Variants in HDAC4 observed in about 807,000 individuals in gnomAD.
HDAC4 encodes the protein histone deacetylase 4, also known as histone deacetylase A.
A neutral mutation model predicts 135.1 loss-of-function variants in HDAC4; 16 were observed. That is an observed-to-expected ratio of 0.12 (90% CI 0.08 to 0.18). The LOEUF is 0.18. Ranked by LOEUF, HDAC4 falls within the 10% of genes least tolerant of loss-of-function variation. The pLI is 1.00. For missense variants in HDAC4, 1,143 were observed against 1,511.8 expected, an observed-to-expected ratio of 0.76 and a Z score of 4.05; for synonymous variants, 685 against 653.4, an observed-to-expected ratio of 1.05 and a Z score of -0.74.
At chr2:239,290,342 G>A (rs944307417) in intron 2 of HDAC4, among the ~76,000 whole-genome samples, 4 of 152,210 alleles carry the variant, frequency 2.6e-5, no homozygotes, top group Non-Finnish European at 5.9e-5. Flanking sequence ...CACGTGACAT[G>A]AAGCACCAGC....
chr2:239,379,683 C>A (rs577886984), intron 1 of HDAC4, among the ~76,000 whole-genome samples: 21 of 152,188 alleles, frequency 1.4e-4, no homozygotes, highest in Non-Finnish European at 2.8e-4. Flanking sequence ...GGGCACCATT[C>A]CCCTGGCAGC....
chr2:239,132,684 C>T (rs2040677817), intron 11 of HDAC4, among the ~76,000 whole-genome samples: 1 of 152,190 alleles, frequency 6.6e-6, no homozygotes, highest in Admixed American at 6.5e-5. Context: ...CACTCGATAT[C>T]CAGGTTCTAT....
intron 17 of HDAC4, among the ~76,000 whole-genome samples, chr2:239,090,431 CTTTTTT>C (rs76486832): frequency 1.5e-5 from 2 of 132,608 alleles, no homozygotes; most frequent in Admixed American, 7.6e-5. Context: ...GATCTATTTC[CTTTTTT>C]TTTTTTTTTT....
intron 2 of HDAC4, among the ~76,000 whole-genome samples, chr2:239,320,112 T>C (rs930582887): frequency 1.2e-4 from 18 of 151,836 alleles, no homozygotes; most frequent in African/African-American, 4.4e-4. Flanking sequence ...GCTGAGAAAG[T>C]GATAAATCAC....
chr2:239,061,265 C>A (rs1412813300), intron 24 of HDAC4, among the ~76,000 whole-genome samples: 2 of 149,374 alleles, frequency 1.3e-5, no homozygotes, highest in African/African-American at 5.0e-5. Context: ...TGAGTATGCA[C>A]GTGCAGATGT....
intron 3 of HDAC4, among the ~76,000 whole-genome samples, chr2:239,227,436 G>A (rs1302909801): frequency 6.6e-6 from 1 of 152,164 alleles, no homozygotes; most frequent in African/African-American, 2.4e-5. Flanking sequence ...TGCCAAGTGG[G>A]ACCGGGCAGC....
chr2:239,252,405 C>CCCACGT, intron 2 of HDAC4, among the ~76,000 whole-genome samples: 2 of 152,220 alleles, frequency 1.3e-5, no homozygotes, highest in Non-Finnish European at 2.9e-5. Context: ...ATGGCCCACG[C>CCCACGT]CACCATGGAC....
intron 2 of HDAC4, among the ~76,000 whole-genome samples, chr2:239,260,773 G>A (rs991523008): frequency 6.6e-6 from 1 of 152,200 alleles, no homozygotes; most frequent in African/African-American, 2.4e-5. Context: ...CCTGGGGCCC[G>A]AGCGCTGCCT....
intron 11 of HDAC4, among the ~76,000 whole-genome samples, chr2:239,127,454 G>T (rs1302458209): frequency 6.6e-6 from 1 of 152,152 alleles, no homozygotes; most frequent in Non-Finnish European, 1.5e-5. Context: ...CGTTCATCGA[G>T]ATATATATAA....
intron 3 of HDAC4, among the ~76,000 whole-genome samples, chr2:239,197,899 GC>G (rs1402201906): frequency 7.9e-5 from 10 of 127,266 alleles, no homozygotes; most frequent in African/African-American, 3.0e-4. Context: ...TGTCACCCAG[GC>G]TGGACTGCAG....
intron 5 of HDAC4, among the ~76,000 whole-genome samples, chr2:239,173,006 A>C (rs1027857197): frequency 3.3e-5 from 5 of 152,378 alleles, no homozygotes; most frequent in Middle Eastern, 6.8e-3. Context: ...TTGAATAAGT[A>C]ATCAAAAACC....
chr2:239,160,780 TGAC>T (rs1425759346), intron 6 of HDAC4, among the ~76,000 whole-genome samples: 1 of 152,274 alleles, frequency 6.6e-6, no homozygotes, highest in Non-Finnish European at 1.5e-5. Flanking sequence ...GACCGTAAGA[TGAC>T]GACTCGTCGT....
At chr2:239,138,499 T>C (rs1339371088) in intron 9 of HDAC4, among the ~76,000 whole-genome samples, 1 of 152,244 alleles carries the variant, frequency 6.6e-6, no homozygotes, top group Admixed American at 6.5e-5. Context: ...TTCTGTAAGT[T>C]GGAGAGAATT....
At chr2:239,294,952 G>GCC (rs1033152858) in intron 2 of HDAC4, among the ~76,000 whole-genome samples, 2 of 152,148 alleles carry the variant, frequency 1.3e-5, no homozygotes, top group African/African-American at 2.4e-5. Flanking sequence ...TCGGGACAAC[G>GCC]CCCGTCTGAT....
In HDAC4 at chr2:239,158,895, G is replaced by A. The variant is rs183867763; in HGVS notation, c.612-2122C>T. 2.6e-3 allele frequency among the ~76,000 whole-genome samples: 394 copies of A among 151,984 alleles called. 2 individuals carry two copies. The highest frequency in any genetic ancestry group is 9.1e-3 in the African/African-American group (375 of 41,400). ...CTCTATCCCTGCTGCAATCACACCC[G>A]CACCGCACACAATTACTCTCACTCA... On this transcript the variant is annotated intron_variant, in intron 6 of 26. Coordinates refer to ENST00000543185, the MANE Select transcript of HDAC4 (RefSeq NM_001378414.1).
intron 22 of HDAC4, among the ~76,000 whole-genome samples, chr2:239,070,665 A>T (rs772966035): frequency 9.9e-5 from 15 of 152,234 alleles, no homozygotes. Flanking sequence ...CTCATGAGAC[A>T]GGTGGTCTGG....
intron 1 of HDAC4, among the ~76,000 whole-genome samples, chr2:239,396,141 T>A (rs1040831293): frequency 6.8e-6 from 1 of 146,434 alleles, no homozygotes; most frequent in African/African-American, 2.5e-5. Context: ...CATGCCTGAT[T>A]TTTTTTTTTT....
chr2:239,255,660 G>A (rs1292465519), intron 2 of HDAC4, among the ~76,000 whole-genome samples: 2 of 152,144 alleles, frequency 1.3e-5, no homozygotes, highest in Non-Finnish European at 2.9e-5. Context: ...GGAAGAGGAG[G>A]CCACTGAAAT....
At chr2:239,326,314 A>C (rs2125792869) in intron 2 of HDAC4, among the ~76,000 whole-genome samples, 2 of 152,348 alleles carry the variant, frequency 1.3e-5, no homozygotes, top group East Asian at 3.9e-4. Flanking sequence ...TAGAGGAGTC[A>C]GATTCGCTGA....
Sources: gnomAD v4.1 joint callset for allele counts (sites outside exome capture counted in the v4.1 genomes callset) on GRCh38, gnomAD v4.1.1 for gene constraint, MANE v1.5 for transcripts, NCBI Gene and HGNC (gene_info 2026-07-23, HGNC 2026-07-21) for gene names.